Variants in STAC observed in about 807,000 individuals in gnomAD.
STAC encodes the protein SH3 and cysteine-rich domain-containing protein.
Under a neutral mutation model 48.8 loss-of-function variants are expected in STAC, and 43 were observed. The observed-to-expected ratio is 0.88, with a 90% CI of 0.69 to 1.14. The LOEUF (loss-of-function observed/expected upper bound fraction) is 1.14. Ranked by LOEUF, STAC falls within the 50% of genes most tolerant of loss-of-function variation. The probability of loss-of-function intolerance (pLI) is 0.00; values close to 1 mark genes in which losing one functional copy is unlikely to be tolerated. For synonymous variants in STAC, 193 were observed against 179.5 expected (o/e 1.07, Z -0.60); for missense variants, 497 against 504.0 (o/e 0.99, Z 0.13).
intron 8 of STAC, among the ~76,000 whole-genome samples, chr3:36,518,101 C>A (rs1698717867): frequency 6.6e-6 from 1 of 152,142 alleles, no homozygotes; most frequent in Non-Finnish European, 1.5e-5. Context: ...TTATTCACAC[C>A]AAGGCACCTT....
chr3:36,383,250 T>C (rs1348024449), intron 1 of STAC, among the ~76,000 whole-genome samples: 2 of 152,202 alleles, frequency 1.3e-5, no homozygotes, highest in South Asian at 2.1e-4. Context: ...ACAACCTTAA[T>C]CTTCACAATA....
intron 10 of STAC, among the ~76,000 whole-genome samples, chr3:36,529,935 T>C (rs1699024681): frequency 1.3e-5 from 2 of 152,092 alleles, no homozygotes; most frequent in African/African-American, 4.8e-5. Flanking sequence ...TCCTAGCCAA[T>C]ATAATGAAAC....
chr3:36,541,032 G>C (rs960645566), intron 10 of STAC, among the ~76,000 whole-genome samples: 4 of 152,172 alleles, frequency 2.6e-5, no homozygotes, highest in Non-Finnish European at 4.4e-5. Context: ...CCTCTGGTCA[G>C]AGAACCAAAT....
intron 1 of STAC, among the ~76,000 whole-genome samples, chr3:36,385,819 G>A (rs1462105906): frequency 6.6e-6 from 1 of 152,046 alleles, no homozygotes; most frequent in African/African-American, 2.4e-5. Flanking sequence ...ATTGTAGGTA[G>A]CAATAGTTTT....
intron 2 of STAC, among the ~76,000 whole-genome samples, chr3:36,447,559 C>T (rs1193264490): frequency 6.6e-6 from 1 of 152,004 alleles, no homozygotes. Context: ...AGGTTGTTTT[C>T]TGACCTATTC....
chr3:36,533,630 G>A (rs939290524), intron 10 of STAC, among the ~76,000 whole-genome samples: 3 of 151,858 alleles, frequency 2.0e-5, no homozygotes, highest in Admixed American at 1.3e-4. Context: ...CAGAACATCT[G>A]TTCAGTGACT....
At chr3:36,439,551 T>C (rs144849658) in intron 1 of STAC, among the ~76,000 whole-genome samples, 2 of 152,364 alleles carry the variant, frequency 1.3e-5, no homozygotes, top group African/African-American at 2.4e-5. Flanking sequence ...CTCCCTGAGT[T>C]GCACATCCCA....
intron 10 of STAC, among the ~76,000 whole-genome samples, chr3:36,534,489 A>T (rs1699147894): frequency 6.6e-6 from 1 of 152,218 alleles, no homozygotes; most frequent in African/African-American, 2.4e-5. Context: ...CAAGAAAATA[A>T]AAGAAATTTG....
intron 1 of STAC, among the ~76,000 whole-genome samples, chr3:36,386,276 T>C (rs1037981653): frequency 2.6e-5 from 4 of 152,046 alleles, no homozygotes; most frequent in Admixed American, 6.6e-5. Flanking sequence ...TCTTCTTATG[T>C]AGTTGTTCAA....
intron 5 of STAC, among the ~76,000 whole-genome samples, chr3:36,490,260 C>T (rs1047880194): frequency 7.9e-5 from 12 of 152,176 alleles, no homozygotes; most frequent in South Asian, 2.1e-4. Context: ...CACGTTGCAT[C>T]TCCTTTCTCA....
chr3:36,486,269 C>A lies in STAC; in HGVS notation c.687+20C>A. 6.2e-7 allele frequency: 1 copy of A among 1,605,238 alleles called. No individual in the cohort carries two copies. The highest frequency in any genetic ancestry group is 1.1e-5 in the South Asian group (1 of 90,062). On this transcript the variant is annotated intron_variant, in intron 5 of 10. Coordinates refer to ENST00000273183, the MANE Select transcript of STAC (RefSeq NM_003149.3). ...ACCTCTGTAATTATCCTCTTCCTTC[C>A]TCGGTTTGTCTGTGGTGGTCTTGGG...
Position 36,380,737 on chromosome 3 carries a change from A to T in STAC, c.94A>T (p.Ser32Cys), listed in dbSNP as rs1283574070. The T allele has an allele frequency of 2.5e-6, 4 of 1,611,466 alleles. No individual in the cohort carries two copies. In the South Asian group the frequency reaches 3.3e-5, roughly 13 times the overall value. ...GCAACCGCCCTCTCCTGCATCCACCAGCAGCCAGGAATCCAAGGTACCGAG... is the reference window on the plus strand; with the variant it reads ...GCAACCGCCCTCTCCTGCATCCACCTGCAGCCAGGAATCCAAGGTACCGAG... Reference protein sequence around the residue: ...AEQPPSPASTSSQESKLQKLK... With the variant: ...AEQPPSPASTCSQESKLQKLK... The change falls in exon 1 of 11, where the codon AGC becomes TGC. Residue 32 changes from serine to cysteine, a missense_variant. Transcript: ENST00000273183.
chr3:36,526,973 A>C (rs1404102419), intron 8 of STAC, among the ~76,000 whole-genome samples: 1 of 152,196 alleles, frequency 6.6e-6, no homozygotes, highest in Non-Finnish European at 1.5e-5. Context: ...TATCTGCTAT[A>C]CGTTCAAGTA....
At chr3:36,493,100 G>C in intron 5 of STAC, 51 bp from the exon 6 acceptor site, 1 of 1,559,018 alleles carries the variant, frequency 6.4e-7, no homozygotes, top group Non-Finnish European at 8.8e-7. Flanking sequence ...CTGCTCAATT[G>C]ACCACAGATA....
chr3:36,394,773 T>C (rs1211583999), intron 1 of STAC, among the ~76,000 whole-genome samples: 1 of 151,972 alleles, frequency 6.6e-6, no homozygotes, highest in East Asian at 1.9e-4. Context: ...GGTGCACACC[T>C]GTAGTCCCAG....
At chr3:36,507,904 CG>C (rs1698443262) in intron 8 of STAC, among the ~76,000 whole-genome samples, 1 of 151,690 alleles carries the variant, frequency 6.6e-6, no homozygotes, top group South Asian at 2.1e-4. Context: ...AAGGGTTTTT[CG>C]TGTCTCTATC....
intron 8 of STAC, among the ~76,000 whole-genome samples, chr3:36,520,046 G>C (rs1417675064): frequency 2.0e-5 from 3 of 152,052 alleles, no homozygotes; most frequent in Non-Finnish European, 4.4e-5. Context: ...TAATCTGAAA[G>C]GATATGCCAG....
intron 2 of STAC, among the ~76,000 whole-genome samples, chr3:36,482,592 G>A (rs552060677): frequency 6.6e-6 from 1 of 152,100 alleles, no homozygotes; most frequent in Non-Finnish European, 1.5e-5. Context: ...TTTATCCAAC[G>A]GCTCAGTTCC....
chr3:36,468,915 C>A (rs963141432), intron 2 of STAC, among the ~76,000 whole-genome samples: 3 of 151,840 alleles, frequency 2.0e-5, no homozygotes, highest in Admixed American at 1.3e-4. Flanking sequence ...TACTCTTGCT[C>A]ACTTTTGGTG....
Sources: allele counts gnomAD v4.1 joint callset (sites outside exome capture counted in the v4.1 genomes callset), GRCh38; gene constraint gnomAD v4.1.1; transcripts MANE v1.5; gene names NCBI Gene and HGNC (gene_info 2026-07-23, HGNC 2026-07-21).